Variants in POLR3E observed in about 807,000 individuals in gnomAD.
POLR3E encodes the protein RNA polymerase III subunit E.
In POLR3E, 41 loss-of-function variants were observed where a neutral mutation model predicts 96.6. The ratio of observed to expected loss-of-function variants is 0.42; its 90% CI spans 0.33 to 0.55. POLR3E has a LOEUF of 0.55. Among genes scored for constraint, POLR3E ranks in the 20% least tolerant of loss-of-function variants. The probability of loss-of-function intolerance (pLI) is 0.06; values close to 1 mark genes in which losing one functional copy is unlikely to be tolerated. For missense variants in POLR3E, 849 were observed against 952.1 expected, an observed-to-expected ratio of 0.89 and a Z score of 1.43; for synonymous variants, 396 against 383.6, an observed-to-expected ratio of 1.03 and a Z score of -0.38.
chr16:22,325,595 G>A (rs2048564431), intron 17 of POLR3E, among the ~76,000 whole-genome samples, 166 bp from the exon 18 acceptor site: 1 of 152,176 alleles, frequency 6.6e-6, no homozygotes, highest in Non-Finnish European at 1.5e-5. Flanking sequence ...ATGACTCTCG[G>A]CACGCTGGGA....
At chr16:22,320,913 C>A (rs947893738) in intron 13 of POLR3E, among the ~76,000 whole-genome samples, 1 of 152,200 alleles carries the variant, frequency 6.6e-6, no homozygotes, top group African/African-American at 2.4e-5. Context: ...TTGAAGGCAG[C>A]CTGCCTTTGT....
chr16:22,315,270 G>T (rs928446917), intron 9 of POLR3E, 62 bp downstream of exon 9: 52 of 1,511,554 alleles, frequency 3.4e-5, no homozygotes, highest in Non-Finnish European at 4.3e-5. Context: ...GTCATGGTGT[G>T]GCCTCCGTGT....
intron 18 of POLR3E, 68 bp from the exon 19 acceptor site, chr16:22,328,442 G>A (rs978605721): frequency 1.1e-5 from 14 of 1,321,286 alleles, no homozygotes; most frequent in Non-Finnish European, 1.5e-5. Flanking sequence ...AGACAGGGAG[G>A]GATGAGGCAA....
chr16:22,312,596 G>A (rs1180375946), intron 6 of POLR3E, among the ~76,000 whole-genome samples: 1 of 152,206 alleles, frequency 6.6e-6, no homozygotes, highest in African/African-American at 2.4e-5. Flanking sequence ...GCCGGGCGCA[G>A]TGGCTCATAC....
intron 6 of POLR3E, among the ~76,000 whole-genome samples, chr16:22,312,992 A>G (rs947425039): frequency 2.6e-5 from 4 of 152,104 alleles, no homozygotes; most frequent in African/African-American, 4.8e-5. Context: ...AAGTAGTGTC[A>G]TATAACTCGC....
chr16:22,329,809 A>G (rs1261001455), intron 19 of POLR3E, among the ~76,000 whole-genome samples: 1 of 152,116 alleles, frequency 6.6e-6, no homozygotes. Flanking sequence ...CTACTTTTTT[A>G]ATAGAAACAG....
intron 3 of POLR3E, among the ~76,000 whole-genome samples, chr16:22,305,730 G>A (rs1174559789): frequency 2.6e-5 from 4 of 152,216 alleles, no homozygotes; most frequent in Middle Eastern, 3.4e-3. Context: ...CGAGGGCCCC[G>A]GGTTGCTACC....
chr16:22,315,757 C>T (rs527765758), intron 9 of POLR3E, among the ~76,000 whole-genome samples: 11 of 152,242 alleles, frequency 7.2e-5, no homozygotes, highest in South Asian at 2.1e-4. Context: ...CTGCAACCTC[C>T]GCCTCCCGGG....
Position 22,326,233 on chromosome 16 carries a change from A to G in POLR3E, c.1821A>G (p.Leu607=), listed in dbSNP as rs753590590. 4.2e-5 allele frequency: 66 copies of G among 1,584,294 alleles called. 1 individual carries two copies. The highest frequency in any genetic ancestry group is 5.7e-5 in the Non-Finnish European group (66 of 1,161,666). Residue 607 remains leucine (L), a synonymous_variant, in exon 18 of 21, where the codon CTA becomes CTG. Coordinates refer to ENST00000299853, the MANE Select transcript of POLR3E (RefSeq NM_018119.4). ...TLFSGISDRM[L]QDTVLAAGCK... is the part of the protein sequence containing the mutation. ...TCAGCGGCATCTCGGACCGCATGCTACAGGACACGGTGCTGGCCGCCGGTT... is the reference window on the plus strand; with the variant it reads ...TCAGCGGCATCTCGGACCGCATGCTGCAGGACACGGTGCTGGCCGCCGGTT...
At chr16:22,306,467 C>G (rs983447039) in intron 3 of POLR3E, among the ~76,000 whole-genome samples, 5 of 152,122 alleles carry the variant, frequency 3.3e-5, no homozygotes, top group African/African-American at 9.7e-5. Context: ...GTTGGCCAGC[C>G]TGGTCTCGAA....
chr16:22,321,466 G>C (rs1389100615), intron 13 of POLR3E, among the ~76,000 whole-genome samples: 1 of 152,224 alleles, frequency 6.6e-6, no homozygotes, highest in Non-Finnish European at 1.5e-5. Flanking sequence ...CCTTGCGGCT[G>C]TTGTCCTTTG....
chr16:22,307,780 CG>C (rs773040318), intron 3 of POLR3E, among the ~76,000 whole-genome samples: 29 of 152,200 alleles, frequency 1.9e-4, no homozygotes, highest in Non-Finnish European at 4.0e-4. Context: ...CTTCTCTCCC[CG>C]GATGGCCTGT....
intron 6 of POLR3E, among the ~76,000 whole-genome samples, chr16:22,312,428 C>T (rs534755142): frequency 7.7e-4 from 117 of 151,754 alleles, no homozygotes; most frequent in African/African-American, 2.6e-3. Context: ...ACTCAGGAGG[C>T]GGAGGTTGCA....
Position 22,324,342 on chromosome 16 carries a change from C to T in POLR3E, c.1069-12C>T, listed in dbSNP as rs1487241489. 2 of 1,611,796 alleles carry T rather than the reference C, an allele frequency of 1.2e-6. No individual in the cohort carries two copies. Among genetic ancestry groups the T allele is most frequent in the East Asian group, 2.2e-5 (1 of 44,702 alleles). On this transcript the variant is annotated splice_polypyrimidine_tract_variant and intron_variant, in intron 14 of 20. Transcript: ENST00000299853. ...TGGCCGCCCCTGGAATGTGCTGCTT[C>T]TTCTCCCTCAGATGTGGAAGTTCAC...
At chr16:22,308,714 C>T (rs1473373893) in intron 4 of POLR3E, among the ~76,000 whole-genome samples, 11 of 152,180 alleles carry the variant, frequency 7.2e-5, no homozygotes, top group Non-Finnish European at 1.5e-4. Flanking sequence ...AACAAGATTA[C>T]AGGACTCTCC....
intron 19 of POLR3E, among the ~76,000 whole-genome samples, chr16:22,331,198 C>T (rs145234012): frequency 0.017 from 2,577 of 151,854 alleles, 94 homozygotes; most frequent in East Asian, 0.1. Context: ...AGGCTGGTCT[C>T]GAACTCCTGA....
chr16:22,325,356 T>C (rs972475974), intron 17 of POLR3E, 90 bp downstream of exon 17: 2 of 1,004,156 alleles, frequency 2.0e-6, no homozygotes, highest in Admixed American at 3.4e-5. Flanking sequence ...GGCCCGGACC[T>C]GGAGAGGGTG....
chr16:22,318,807 TCTC>T lies in POLR3E; in HGVS notation c.866-16_866-14del. Reference sequence around the variant, plus strand: ...CCCGGCCCCTCTTCCTTGTCTGATGTCTCCTGCGTCCTCCTCAGTGAAGGTCAT... The same window carrying T: ...CCCGGCCCCTCTTCCTTGTCTGATGTCTGCGTCCTCCTCAGTGAAGGTCAT... On this transcript the variant is annotated splice_polypyrimidine_tract_variant and intron_variant, in intron 12 of 20. Coordinates refer to ENST00000299853, the MANE Select transcript of POLR3E (RefSeq NM_018119.4). This position sits in a 1 kb window ranked among gnomAD's most constrained non-coding sequence, Gnocchi z 5.0. 1.9e-6 allele frequency: 3 copies of T among 1,609,562 alleles called. No homozygotes were observed. Among genetic ancestry groups the T allele is most frequent in the Non-Finnish European group, 2.5e-6 (3 of 1,177,574 alleles).
At position 22,316,666 on chromosome 16, in the gene POLR3E, G is replaced by A. The variant is rs900420542; in HGVS notation, c.708G>A (p.Thr236=). The A allele has an allele frequency of 6.8e-6, 11 of 1,613,834 alleles. No individual in the cohort carries two copies. The highest frequency in any genetic ancestry group is 2.7e-5 in the African/African-American group (2 of 74,930). The change falls in exon 10 of 21, where the codon ACG becomes ACA. Residue 236 remains threonine, a synonymous_variant. Transcript: ENST00000299853. ...CCGGCTCAAGCGGGGTGGAGAACAC[G>A]GAGCTCGTCAAGTCACCCAGGTGGG... ...LCPGSSGVEN[T]ELVKSPSEYL... is the part of the protein sequence containing the mutation.
Sources: allele counts gnomAD v4.1 joint callset (sites outside exome capture counted in the v4.1 genomes callset), GRCh38; gene constraint gnomAD v4.1.1; non-coding constraint Gnocchi (gnomAD v3.1); transcripts MANE v1.5; gene names NCBI Gene and HGNC (gene_info 2026-07-23, HGNC 2026-07-21).